PYHIN1: variants seen among roughly 807,000 people sequenced by gnomAD.
PYHIN1 encodes pyrin and HIN domain family member 1, also known as pyrin and HIN domain-containing protein 1.
PYHIN1 carries 32 observed loss-of-function variants against 43.7 expected under a neutral mutation model. The observed-to-expected ratio is 0.73, with a 90% CI of 0.55 to 0.98. The LOEUF (loss-of-function observed/expected upper bound fraction) is 0.98. PYHIN1 is among the 50% of genes least tolerant of loss of function. The pLI, the probability that PYHIN1 is intolerant of heterozygous loss-of-function variation, is 0.00. For synonymous variants in PYHIN1, 205 were observed against 203.1 expected, an observed-to-expected ratio of 1.01 and a Z score of -0.08; for missense variants, 588 against 589.5, an observed-to-expected ratio of 1.00 and a Z score of 0.03.
chr1:158,964,378 T>C (rs1650497638), intron 7 of PYHIN1, among the ~76,000 whole-genome samples: 1 of 152,026 alleles, frequency 6.6e-6, no homozygotes, highest in African/African-American at 2.4e-5. Context: ...CATAGAGAAA[T>C]CCTGTGAGAT....
downstream of PYHIN1, among the ~76,000 whole-genome samples, chr1:158,977,633 A>G (rs1651340984): frequency 6.6e-6 from 1 of 152,162 alleles, no homozygotes; most frequent in African/African-American, 2.4e-5. Context: ...TCTAAAACTT[A>G]CAATGTATTT....
the PYHIN1 span, among the ~76,000 whole-genome samples, chr1:158,988,942 C>T: frequency 1.7e-4 from 26 of 152,268 alleles, no homozygotes; most frequent in Admixed American, 3.3e-4. Flanking sequence ...CACCATCAAC[C>T]ATTTCAGCTG....
intron 7 of PYHIN1, among the ~76,000 whole-genome samples, chr1:158,966,881 G>A (rs1650664469): frequency 1.3e-5 from 2 of 151,940 alleles, no homozygotes; most frequent in Admixed American, 1.3e-4. Flanking sequence ...GCAAGATAAA[G>A]AAATAAAAGG....
intron 7 of PYHIN1, among the ~76,000 whole-genome samples, chr1:158,962,187 A>C (rs1281563720): frequency 6.6e-6 from 1 of 152,170 alleles, no homozygotes; most frequent in Non-Finnish European, 1.5e-5. Flanking sequence ...AGACTGTTTT[A>C]TACGTGGATT....
chr1:158,967,343 A>C (rs1371672618), intron 7 of PYHIN1, among the ~76,000 whole-genome samples: 1 of 152,016 alleles, frequency 6.6e-6, no homozygotes, highest in East Asian at 1.9e-4. Flanking sequence ...TTTTTACATA[A>C]GGAAACTGAA....
chr1:158,952,499 T>C (rs1371953633), intron 7 of PYHIN1, among the ~76,000 whole-genome samples: 2 of 152,162 alleles, frequency 1.3e-5, no homozygotes, highest in East Asian at 1.9e-4. Flanking sequence ...TCCCATTTTT[T>C]TTCCCATCTA....
At chr1:158,939,368 A>C in intron 4 of PYHIN1, 121 bp downstream of exon 4, 1 of 1,603,350 alleles carries the variant, frequency 6.2e-7, no homozygotes, top group Non-Finnish European at 8.5e-7. Flanking sequence ...GTATAGACTG[A>C]GAATTCACTG....
intron 7 of PYHIN1, 127 bp from the exon 8 acceptor site, chr1:158,973,520 C>CAT (rs1651058378): frequency 3.5e-6 from 3 of 862,664 alleles, no homozygotes; most frequent in Admixed American, 2.3e-5. Context: ...CACACACACA[C>CAT]ACACACACAC....
intron 8 of PYHIN1, among the ~76,000 whole-genome samples, chr1:158,975,414 G>A (rs926482328): frequency 2.0e-5 from 3 of 151,982 alleles, no homozygotes; most frequent in Admixed American, 6.6e-5. Flanking sequence ...GGGAAAAAAC[G>A]AAGCTATTAG....
chr1:158,933,617 G>A lies in PYHIN1; in HGVS notation c.-21+1841G>A, dbSNP rs1413090716. Among the ~76,000 whole-genome samples the A allele has an allele frequency of 6.6e-6, 1 of 151,882 alleles. No homozygotes were observed. Among genetic ancestry groups the A allele is most frequent in the Non-Finnish European group, 1.5e-5 (1 of 67,910 alleles). On this transcript the variant is annotated intron_variant, in intron 1 of 8. Coordinates refer to ENST00000368140, the MANE Select transcript of PYHIN1 (RefSeq NM_152501.5). The surrounding 1 kb of genome is among the most constrained non-coding windows in gnomAD (Gnocchi z 6.3). ...TAACTAGTTAACCTCTTTATGTATA[G>A]GCTAATAATTAACATATTTTGGCCT...
At chr1:158,965,091 A>G (rs1650558713) in intron 7 of PYHIN1, among the ~76,000 whole-genome samples, 1 of 152,148 alleles carries the variant, frequency 6.6e-6, no homozygotes, top group Non-Finnish European at 1.5e-5. Flanking sequence ...GGGTGCCATC[A>G]TAATTTCAGA....
chr1:158,941,925 G>C (rs1648938550), intron 4 of PYHIN1, 52 bp from the exon 5 acceptor site: 1 of 1,503,688 alleles, frequency 6.7e-7, no homozygotes, highest in Admixed American at 2.2e-5. Flanking sequence ...GAGCAATTCT[G>C]TATTCCTCAC....
chr1:158,968,335 A>C (rs1384579283), intron 7 of PYHIN1, among the ~76,000 whole-genome samples: 1 of 152,126 alleles, frequency 6.6e-6, no homozygotes, highest in Non-Finnish European at 1.5e-5. Flanking sequence ...GCCAACAAAC[A>C]TGAAAAAATG....
At chr1:158,974,046 A>G (rs1288039814) in intron 8 of PYHIN1, among the ~76,000 whole-genome samples, 4 of 152,070 alleles carry the variant, frequency 2.6e-5, no homozygotes, top group Non-Finnish European at 5.9e-5. Flanking sequence ...GTATCCAGAC[A>G]AGGAGAGATG....
At chr1:158,966,943 A>T (rs1371269762) in intron 7 of PYHIN1, among the ~76,000 whole-genome samples, 2 of 152,046 alleles carry the variant, frequency 1.3e-5, no homozygotes, top group Non-Finnish European at 2.9e-5. Context: ...CAGATGACAA[A>T]ATCCTGTATT....
intron 7 of PYHIN1, among the ~76,000 whole-genome samples, chr1:158,964,551 C>G (rs979981350): frequency 1.3e-5 from 2 of 152,164 alleles, no homozygotes; most frequent in African/African-American, 4.8e-5. Flanking sequence ...CAACAGGAGC[C>G]TGACAAGCCA....
chr1:158,988,548 A>T, the PYHIN1 span, among the ~76,000 whole-genome samples: 1 of 152,170 alleles, frequency 6.6e-6, no homozygotes, highest in African/African-American at 2.4e-5. Flanking sequence ...ATTAGGTCTC[A>T]GGTGGAGATG....
At chr1:158,934,245 T>C (rs1488630816) in intron 1 of PYHIN1, among the ~76,000 whole-genome samples, 1 of 152,196 alleles carries the variant, frequency 6.6e-6, no homozygotes, top group Non-Finnish European at 1.5e-5. Flanking sequence ...CATATGAATA[T>C]TTGTGTTTAA....
intron 6 of PYHIN1, 147 bp from the exon 7 acceptor site, chr1:158,944,728 G>A (rs549102673): frequency 2.0e-6 from 1 of 494,430 alleles, no homozygotes; most frequent in Non-Finnish European, 3.3e-6. Context: ...ATTGGCAGTT[G>A]CCTGGAGGAA....
Sources: gnomAD v4.1 joint callset for allele counts (sites outside exome capture counted in the v4.1 genomes callset) on GRCh38, gnomAD v4.1.1 for gene constraint, Gnocchi (gnomAD v3.1) non-coding constraint, MANE v1.5 for transcripts, NCBI Gene and HGNC (gene_info 2026-07-23, HGNC 2026-07-21) for gene names.